The following PTPRN2 variants were observed in gnomAD, a reference collection of about 807,000 sequenced individuals.
PTPRN2 encodes the protein protein tyrosine phosphatase receptor type N2.
Under a neutral mutation model 118.8 loss-of-function variants are expected in PTPRN2, and 74 were observed. The ratio of observed to expected loss-of-function variants is 0.62; its 90% CI spans 0.52 to 0.76. The LOEUF is 0.76. Among genes scored for constraint, PTPRN2 ranks in the 30% least tolerant of loss-of-function variants. PTPRN2 has a pLI of 0.00. For missense variants in PTPRN2, 1,481 were observed against 1,394.4 expected, an observed-to-expected ratio of 1.06 and a Z score of -0.99; for synonymous variants, 641 against 608.0, an observed-to-expected ratio of 1.05 and a Z score of -0.80.
Position 158,274,790 on chromosome 7 carries a change from G to A in PTPRN2, c.277+42029C>T, listed in dbSNP as rs117426724. 4.8e-3 allele frequency among the ~76,000 whole-genome samples: 725 copies of A among 152,322 alleles called. 10 individuals carry two copies. Among genetic ancestry groups the A allele is most frequent in the East Asian group, 0.042 (217 of 5,186 alleles). ...GTGGCCACACACAGGGAGCCTGACT[G>A]CAGCTTTCTGGAGGAGAACGTGGTT... is the stretch of plus-strand genomic sequence containing the variant. On this transcript the variant is annotated intron_variant, in intron 3 of 22. Transcript: ENST00000389418.
chr7:158,036,507 T>A (rs557738700), intron 11 of PTPRN2, among the ~76,000 whole-genome samples: 2 of 152,028 alleles, frequency 1.3e-5, no homozygotes, highest in Non-Finnish European at 2.9e-5. Flanking sequence ...AGTAACACAA[T>A]GAAAATAAGG....
At chr7:157,870,187 C>T (rs768359286) in intron 12 of PTPRN2, among the ~76,000 whole-genome samples, 32 of 152,164 alleles carry the variant, frequency 2.1e-4, no homozygotes, top group Non-Finnish European at 4.1e-4. Context: ...CTTTAATTTT[C>T]CAGCCAGAAT....
Position 157,805,322 on chromosome 7 carries a change from T to TGTGCGC in PTPRN2, c.1788+93350_1788+93351insGCGCAC, listed in dbSNP as rs1554453205. Among the ~76,000 whole-genome samples the TGTGCGC allele has an allele frequency of 1.3e-4, 19 of 147,632 alleles. No individual in the cohort carries two copies. In the South Asian group the frequency reaches 1.5e-3, roughly 12 times the overall value. ...GTGTGTGTGTGTGTGTGTGTGCGTG[T>TGTGCGC]GCAAATACATCATCAACTGAAGGTC... On this transcript the variant is annotated intron_variant, in intron 12 of 22. Transcript: ENST00000389418.
chr7:157,739,614 C>T (rs1382706220), intron 12 of PTPRN2, among the ~76,000 whole-genome samples: 1 of 152,240 alleles, frequency 6.6e-6, no homozygotes, highest in Non-Finnish European at 1.5e-5. Flanking sequence ...GAGGTCAACT[C>T]AATGCCAACT....
At chr7:158,328,550 C>T (rs568138520) in intron 2 of PTPRN2, among the ~76,000 whole-genome samples, 2 of 152,290 alleles carry the variant, frequency 1.3e-5, no homozygotes, top group South Asian at 2.1e-4. Flanking sequence ...GGAGGAGCCC[C>T]ACGTCCGGGC....
At chr7:157,830,297 G>T (rs1807473608) in intron 12 of PTPRN2, among the ~76,000 whole-genome samples, 1 of 152,194 alleles carries the variant, frequency 6.6e-6, no homozygotes, top group Non-Finnish European at 1.5e-5. Context: ...GAGGCACATG[G>T]TAAAAGGCTG....
chr7:158,045,291 C>T, intron 11 of PTPRN2, among the ~76,000 whole-genome samples: 1 of 152,120 alleles, frequency 6.6e-6, no homozygotes, highest in East Asian at 1.9e-4. Context: ...TCGGGAAGCT[C>T]CAAATGGCTG....
chr7:158,163,809 G>T (rs928491430), intron 6 of PTPRN2, among the ~76,000 whole-genome samples: 23 of 152,038 alleles, frequency 1.5e-4, no homozygotes, highest in Admixed American at 1.3e-4. Context: ...CCTGTACGGG[G>T]TTCTCAATAT....
intron 3 of PTPRN2, among the ~76,000 whole-genome samples, chr7:158,272,811 C>A (rs1184925814): frequency 6.6e-6 from 1 of 152,140 alleles, no homozygotes; most frequent in Admixed American, 6.5e-5. Context: ...GGAGGTGCCG[C>A]CGGCAGAAGG....
At chr7:158,335,265 G>A (rs1347011596) in intron 2 of PTPRN2, among the ~76,000 whole-genome samples, 2 of 17,614 alleles carry the variant, frequency 1.1e-4, no homozygotes, top group East Asian at 1.1e-3. Context: ...ACCTGCAGAC[G>A]TCACTCACAC....
chr7:158,410,160 G>A (rs1813923582), intron 2 of PTPRN2, among the ~76,000 whole-genome samples: 1 of 152,144 alleles, frequency 6.6e-6, no homozygotes. Flanking sequence ...AACAGCCCAT[G>A]TCTGAGCCAC....
chr7:158,014,769 C>T (rs1806319356), intron 11 of PTPRN2, among the ~76,000 whole-genome samples: 1 of 151,900 alleles, frequency 6.6e-6, no homozygotes, highest in Non-Finnish European at 1.5e-5. Context: ...ATCTACTCAC[C>T]CAACCAACCA....
At chr7:158,251,090 T>C (rs1356014073) in intron 3 of PTPRN2, among the ~76,000 whole-genome samples, 1 of 151,992 alleles carries the variant, frequency 6.6e-6, no homozygotes, top group Admixed American at 6.6e-5. Flanking sequence ...TCCTAATGCA[T>C]AGAAAGGGTA....
chr7:158,533,763 G>T (rs1825424092), intron 1 of PTPRN2, among the ~76,000 whole-genome samples: 1 of 152,228 alleles, frequency 6.6e-6, no homozygotes, highest in African/African-American at 2.4e-5. Flanking sequence ...AAGCTTTCCA[G>T]GGTGCCCTGA....
intron 10 of PTPRN2, among the ~76,000 whole-genome samples, chr7:158,092,955 C>G (rs926398337): frequency 6.6e-6 from 1 of 152,190 alleles, no homozygotes; most frequent in African/African-American, 2.4e-5. Context: ...ATTTGGCAAT[C>G]GCTATTTTAT....
chr7:157,766,187 C>A (rs555480673), intron 12 of PTPRN2, among the ~76,000 whole-genome samples: 17 of 145,514 alleles, frequency 1.2e-4, no homozygotes, highest in African/African-American at 4.3e-4. Flanking sequence ...GTCCACCAAT[C>A]CATCCATCCA....
intron 3 of PTPRN2, among the ~76,000 whole-genome samples, chr7:158,256,604 C>T (rs889944238): frequency 3.9e-5 from 6 of 151,970 alleles, no homozygotes; most frequent in Admixed American, 6.6e-5. Context: ...AGGCAGCTCC[C>T]GTGAGGACAA....
At chr7:158,071,568 C>G (rs796413416) in intron 11 of PTPRN2, among the ~76,000 whole-genome samples, 153 of 6,966 alleles carry the variant, frequency 0.022, 13 homozygotes, top group African/African-American at 0.04. Context: ...GGAGGTGCTC[C>G]TGGTGGAGGT....
At chr7:157,613,985 G>T (rs1425718017) in intron 15 of PTPRN2, 5 of 470,450 alleles carry the variant, frequency 1.1e-5, no homozygotes, top group Non-Finnish European at 2.2e-5. Flanking sequence ...AGCTCACAGG[G>T]CTGGCCTCCA....
Sources: gnomAD v4.1 joint callset for allele counts (sites outside exome capture counted in the v4.1 genomes callset) on GRCh38, gnomAD v4.1.1 for gene constraint, MANE v1.5 for transcripts, NCBI Gene and HGNC (gene_info 2026-07-23, HGNC 2026-07-21) for gene names.